Variants in GNL2 observed in about 807,000 individuals in gnomAD.
GNL2 encodes the protein nucleolar GTP-binding protein 2.
In GNL2, 51 loss-of-function variants were observed where a neutral mutation model predicts 92.3. The ratio of observed to expected loss-of-function variants is 0.55; its 90% CI spans 0.44 to 0.70. The LOEUF is 0.70. Among genes scored for constraint, GNL2 ranks in the 30% least tolerant of loss-of-function variants. The pLI is 0.00. For missense variants in GNL2, 844 were observed against 895.6 expected, an observed-to-expected ratio of 0.94 and a Z score of 0.74; for synonymous variants, 283 against 300.6, an observed-to-expected ratio of 0.94 and a Z score of 0.61.
chr1:37,571,142 T>C (rs1378412459), intron 12 of GNL2, among the ~76,000 whole-genome samples: 1 of 152,190 alleles, frequency 6.6e-6, no homozygotes, highest in Non-Finnish European at 1.5e-5. Flanking sequence ...GAGTAAGGCA[T>C]ATGAGAGTGA....
chr1:37,574,099 G>C (rs1050527938), intron 12 of GNL2, among the ~76,000 whole-genome samples: 1 of 152,042 alleles, frequency 6.6e-6, no homozygotes, highest in Non-Finnish European at 1.5e-5. Context: ...CACCATATTG[G>C]TCAGGCTGGT....
In GNL2 at chr1:37,576,542, C is replaced by T. The variant is rs745739016; in HGVS notation, c.924G>A (p.Lys308=). 4 of 1,614,078 alleles carry T rather than the reference C, an allele frequency of 2.5e-6. No individual in the cohort carries two copies. The Admixed American group carries it at 6.7e-5, about 27-fold the overall frequency. The change falls in exon 9 of 16, where the codon AAG becomes AAA. Residue 308 remains lysine, a synonymous_variant. Coordinates refer to ENST00000373062, the MANE Select transcript of GNL2 (RefSeq NM_013285.3). The part of the protein sequence containing the change: ...LRQFGKLHTD[K]KQISVGFIGY... ...CAATGAACCCAACACTGATCTGTTT[C>T]TTGTCAGTGTGCAACTGTTCAAAGA... is the stretch of plus-strand genomic sequence containing the variant.
chr1:37,571,619 A>G (rs540822740), intron 12 of GNL2, among the ~76,000 whole-genome samples: 1 of 152,238 alleles, frequency 6.6e-6, no homozygotes, highest in East Asian at 1.9e-4. Context: ...CCTCGTGGAA[A>G]TGATTTCAGG....
At position 37,574,942 on chromosome 1, in the gene GNL2, T is replaced by G. The variant is rs937083629; in HGVS notation, c.1144-119A>C. ...TCAACATCACAAAGCTCGTGGAGAT[T>G]GGCAGGAGCCTGTCTCTGACGGGGC... is the stretch of plus-strand genomic sequence containing the variant. On this transcript the variant is annotated intron_variant, in intron 10 of 15. Transcript: ENST00000373062. 4.8e-5 allele frequency: 34 copies of G among 710,622 alleles called. No homozygotes were observed. The East Asian group carries it at 7.5e-4, about 16-fold the overall frequency. 44.0% of individuals were successfully genotyped at this position (710,622 alleles called of 1,614,324 possible). A position where few individuals can be genotyped will look rare whatever the true frequency, so the allele number is the denominator to read the frequency against.
intron 1 of GNL2, among the ~76,000 whole-genome samples, chr1:37,594,331 A>C (rs1456669798): frequency 1.3e-5 from 2 of 152,190 alleles, no homozygotes; most frequent in African/African-American, 2.4e-5. Flanking sequence ...AGTTTAACAA[A>C]TATTGAGTGC....
In GNL2 at chr1:37,574,651, A is replaced by C. The variant is rs776626201; in HGVS notation, c.1302+14T>G. On this transcript the variant is annotated intron_variant, in intron 11 of 15. Coordinates refer to ENST00000373062, the MANE Select transcript of GNL2 (RefSeq NM_013285.3). ...GACAAGTATCAGTCTAAATTCTCAC[A>C]AACGCCGGGTCACCTTTAGTAACTT... 1.2e-6 allele frequency: 2 copies of C among 1,612,716 alleles called. No homozygotes were observed. The highest frequency in any genetic ancestry group is 1.3e-5 in the African/African-American group (1 of 74,990).
Position 37,575,707 on chromosome 1 carries a change from C to A in GNL2, c.1039-8G>T. ...AGTAATATACTGCCAGACCTGAAGT[C>A]AGAAAAAAGTCAGAGATGTCCTGTA... On this transcript the variant is annotated splice_polypyrimidine_tract_variant and splice_region_variant and intron_variant, in intron 9 of 15. Transcript: ENST00000373062. The surrounding 1 kb of genome is among the most constrained non-coding windows in gnomAD (Gnocchi z 4.1). The A allele has an allele frequency of 6.4e-7, 1 of 1,562,164 alleles. No homozygotes were observed. The highest frequency in any genetic ancestry group is 1.2e-5 in the South Asian group (1 of 85,626).
At chr1:37,567,589 T>A in intron 15 of GNL2, 84 bp downstream of exon 15, 2 of 955,872 alleles carry the variant, frequency 2.1e-6, no homozygotes, top group South Asian at 1.3e-5. Context: ...GGGATTCAGC[T>A]CTGGACCATT....
At chr1:37,586,475 T>TCTC (rs1231346335) in intron 5 of GNL2, among the ~76,000 whole-genome samples, 1 of 151,862 alleles carries the variant, frequency 6.6e-6, no homozygotes, top group Non-Finnish European at 1.5e-5. Context: ...AGATACTTCC[T>TCTC]CTCCTCCTCC....
chr1:37,573,845 G>A (rs1460947108), intron 12 of GNL2, among the ~76,000 whole-genome samples: 1 of 152,186 alleles, frequency 6.6e-6, no homozygotes, highest in Non-Finnish European at 1.5e-5. Flanking sequence ...AGGGTGGAGT[G>A]ATCGCCATGG....
At chr1:37,590,671 G>A (rs1193386760) in intron 4 of GNL2, 35 bp downstream of exon 4, 1 of 1,586,656 alleles carries the variant, frequency 6.3e-7, no homozygotes, top group South Asian at 1.1e-5. Context: ...AGTTTGCCCA[G>A]GAAATTCCAT....
intron 6 of GNL2, 163 bp from the exon 7 acceptor site, chr1:37,583,099 A>C (rs748540019): frequency 2.9e-5 from 13 of 440,952 alleles, no homozygotes; most frequent in Non-Finnish European, 5.1e-5. Context: ...AGTGATCAGA[A>C]TTCAAAAGGT....
chr1:37,567,658 A>T lies in GNL2; in HGVS notation c.2043+15T>A. On this transcript the variant is annotated intron_variant, in intron 15 of 15. Transcript: ENST00000373062. ...TTACTCTACTTGGGCCATACTTAAA[A>T]CCTATGACACTTACTTCTTTTGATG... The T allele has an allele frequency of 6.4e-7, 1 of 1,558,712 alleles. No individual in the cohort carries two copies. Among genetic ancestry groups the T allele is most frequent in the South Asian group, 1.1e-5 (1 of 89,928 alleles).
intron 13 of GNL2, 146 bp from the exon 14 acceptor site, chr1:37,568,503 T>C (rs754008427): frequency 1.6e-6 from 1 of 624,078 alleles, no homozygotes; most frequent in African/African-American, 1.8e-5. Flanking sequence ...ACATCCAACA[T>C]GTTTGTACCT....
intron 12 of GNL2, among the ~76,000 whole-genome samples, chr1:37,572,356 G>A (rs2148129605): frequency 6.6e-6 from 1 of 152,222 alleles, no homozygotes; most frequent in South Asian, 2.1e-4. Context: ...ATGCTAATGT[G>A]GTGACTCATG....
intron 8 of GNL2, among the ~76,000 whole-genome samples, chr1:37,580,929 C>A (rs1462853228): frequency 6.6e-6 from 1 of 152,192 alleles, no homozygotes; most frequent in African/African-American, 2.4e-5. Flanking sequence ...CTCTTCCCAG[C>A]CTGTTAGAGT....
At chr1:37,592,513 T>C (rs1411992921) in intron 3 of GNL2, among the ~76,000 whole-genome samples, 199 bp downstream of exon 3, 5 of 152,192 alleles carry the variant, frequency 3.3e-5, no homozygotes, top group Admixed American at 6.5e-5. Flanking sequence ...CAATTACTAA[T>C]GGTGAGCGCT....
At chr1:37,567,886 C>G in intron 14 of GNL2, 122 bp from the exon 15 acceptor site, 1 of 742,302 alleles carries the variant, frequency 1.3e-6, no homozygotes, top group Non-Finnish European at 2.3e-6. Context: ...CAGGTGAGCA[C>G]AGTGGTGAGT....
intron 6 of GNL2, 68 bp from the exon 7 acceptor site, chr1:37,583,004 G>A: frequency 9.6e-7 from 1 of 1,044,048 alleles, no homozygotes; most frequent in Non-Finnish European, 1.4e-6. Flanking sequence ...ATTTAAGGGA[G>A]TCTGGGAAAA....
Sources: gnomAD v4.1 joint callset for allele counts (sites outside exome capture counted in the v4.1 genomes callset) on GRCh38, gnomAD v4.1.1 for gene constraint, Gnocchi (gnomAD v3.1) non-coding constraint, MANE v1.5 for transcripts, NCBI Gene and HGNC (gene_info 2026-07-23, HGNC 2026-07-21) for gene names.